The following FTO variants were observed in gnomAD, a reference collection of about 807,000 sequenced individuals.
FTO encodes alpha-ketoglutarate-dependent dioxygenase FTO.
In FTO, 47 loss-of-function variants were observed where a neutral mutation model predicts 63.9. The observed-to-expected ratio is 0.74, with a 90% CI of 0.58 to 0.94. FTO has a LOEUF of 0.94. FTO is among the 40% of genes least tolerant of loss of function. FTO has a pLI of 0.00. For missense variants in FTO, 562 were observed against 618.1 expected (o/e 0.91, Z 0.96); for synonymous variants, 207 against 224.4 (o/e 0.92, Z 0.69).
chr16:53,940,663 G>A (rs74022304), intron 8 of FTO, among the ~76,000 whole-genome samples: 5,954 of 152,258 alleles, frequency 0.039, 222 homozygotes, highest in African/African-American at 0.1. Flanking sequence ...CATTTGGGTC[G>A]AAGGAGCCTT....
chr16:53,944,284 A>C (rs1884896224), intron 8 of FTO, among the ~76,000 whole-genome samples: 1 of 152,206 alleles, frequency 6.6e-6, no homozygotes, highest in African/African-American at 2.4e-5. Flanking sequence ...AGAAACCCAC[A>C]TCCCAGGGAA....
Position 53,927,074 on chromosome 16 carries a change from A to G in FTO, c.1240-6911A>G, listed in dbSNP as rs575572303. ...ATTTAAGAGGAAGTAACATGTTTGGACATATACTTTTAAAAGATCACTCTT... is the reference window on the plus strand; with the variant it reads ...ATTTAAGAGGAAGTAACATGTTTGGGCATATACTTTTAAAAGATCACTCTT... On this transcript the variant is annotated intron_variant, in intron 7 of 8. Transcript: ENST00000471389. Among the ~76,000 whole-genome samples, 22 of 152,304 alleles carry G rather than the reference A, an allele frequency of 1.4e-4. No individual in the cohort carries two copies. In the South Asian group the frequency reaches 4.3e-3, roughly 30 times the overall value.
chr16:53,971,785 T>C (rs1406193721), intron 8 of FTO, among the ~76,000 whole-genome samples: 2 of 152,188 alleles, frequency 1.3e-5, no homozygotes, highest in African/African-American at 4.8e-5. Context: ...GGCTCTTTTG[T>C]GTCTGGTGAA....
intron 8 of FTO, among the ~76,000 whole-genome samples, chr16:54,106,229 G>T (rs2144614167): frequency 6.6e-6 from 1 of 152,092 alleles, no homozygotes; most frequent in South Asian, 2.1e-4. Context: ...GAAATCAGCG[G>T]GCAGTGACGC....
At chr16:54,097,840 G>A (rs1364942916) in intron 8 of FTO, among the ~76,000 whole-genome samples, 1 of 152,176 alleles carries the variant, frequency 6.6e-6, no homozygotes, top group Non-Finnish European at 1.5e-5. Flanking sequence ...ACAGGGAGGG[G>A]AGATGTTTGC....
rs202230780 is a variant in FTO, at chr16:53,877,730, C to CAA, written c.976-2103_976-2102dup. On this transcript the variant is annotated intron_variant, in intron 5 of 8. Coordinates refer to ENST00000471389, the MANE Select transcript of FTO (RefSeq NM_001080432.3). ...AATTATAGCTCAATAAAGCTGTTAC[C>CAA]AAAAAAAAAAAACCTATCTCAAACT... Among the ~76,000 whole-genome samples the CAA allele has an allele frequency of 5.8e-5, 8 of 137,628 alleles. No individual in the cohort carries two copies. In the East Asian group the frequency reaches 1.0e-3, roughly 18 times the overall value. 90.3% of individuals were successfully genotyped at this position (137,628 alleles called of 152,430 possible). A position where few individuals can be genotyped will look rare whatever the true frequency, so the allele number is the denominator to read the frequency against.
chr16:54,054,383 A>G (rs1238128531), intron 8 of FTO: 2 of 152,182 alleles, frequency 1.3e-5, no homozygotes, highest in Non-Finnish European at 2.9e-5. Context: ...CAGCATCCAC[A>G]TTTTCATCAG....
intron 8 of FTO, among the ~76,000 whole-genome samples, chr16:54,073,837 T>C (rs1319093599): frequency 6.6e-6 from 1 of 152,202 alleles, no homozygotes; most frequent in Non-Finnish European, 1.5e-5. Context: ...ATTTATAGAA[T>C]ACTCATTTAT....
At chr16:53,887,050 A>G (rs572398765) in intron 6 of FTO, 1 of 152,330 alleles carries the variant, frequency 6.6e-6, no homozygotes, top group South Asian at 2.1e-4. Flanking sequence ...AATTTTATAT[A>G]TTTCCATAGG....
chr16:54,082,276 T>C (rs1317839633), intron 8 of FTO, among the ~76,000 whole-genome samples: 2 of 152,206 alleles, frequency 1.3e-5, no homozygotes, highest in Non-Finnish European at 1.5e-5. Flanking sequence ...TCAAACAGTT[T>C]GGATCCCAAT....
chr16:53,784,134 G>A (rs2077669472), intron 1 of FTO, among the ~76,000 whole-genome samples: 1 of 152,168 alleles, frequency 6.6e-6, no homozygotes, highest in African/African-American at 2.4e-5. Flanking sequence ...TTAAAACCTG[G>A]ACTTGATATT....
intron 8 of FTO, among the ~76,000 whole-genome samples, chr16:53,989,503 C>G (rs2083752034): frequency 6.6e-6 from 1 of 152,100 alleles, no homozygotes; most frequent in Admixed American, 6.5e-5. Flanking sequence ...TTTGGGAACA[C>G]TCATTGTAGT....
intron 4 of FTO, among the ~76,000 whole-genome samples, chr16:53,851,458 CA>C (rs35951870): frequency 0.27 from 30,902 of 114,428 alleles, 3,288 homozygotes; most frequent in East Asian, 0.38. Context: ...GACTCCGTCT[CA>C]AAAAAAAAAA....
chr16:53,847,544 G>A (rs2079662130), intron 4 of FTO, among the ~76,000 whole-genome samples: 5 of 152,126 alleles, frequency 3.3e-5, no homozygotes, highest in Admixed American at 2.6e-4. Context: ...GAGGTGGGCG[G>A]ATCACCTGAG....
chr16:53,909,399 A>G (rs557500273), intron 7 of FTO, among the ~76,000 whole-genome samples: 4 of 152,252 alleles, frequency 2.6e-5, no homozygotes, highest in East Asian at 3.9e-4. Context: ...TGCTGCAGAG[A>G]ACAGAAGTCA....
In FTO at chr16:54,112,576, C is replaced by T. The variant is rs566529433; in HGVS notation, c.*661C>T. On this transcript the variant is annotated 3_prime_UTR_variant, in exon 9 of 9. Transcript: ENST00000471389. Reference sequence around the variant, plus strand: ...GAGAGCAGGAATTCTCATTTCCATTCGTCTGTAGCTTCTATCCCCAAAGGC... The same window carrying T: ...GAGAGCAGGAATTCTCATTTCCATTTGTCTGTAGCTTCTATCCCCAAAGGC... 4 of 152,546 alleles carry T rather than the reference C, an allele frequency of 2.6e-5. No individual in the cohort carries two copies. In the South Asian group the frequency reaches 8.3e-4, roughly 32 times the overall value. 9.4% of individuals were successfully genotyped at this position (152,546 alleles called of 1,614,324 possible).
chr16:54,023,793 C>G (rs1221623241), intron 8 of FTO, among the ~76,000 whole-genome samples: 1 of 152,108 alleles, frequency 6.6e-6, no homozygotes, highest in Non-Finnish European at 1.5e-5. Flanking sequence ...GGGAGTGGGA[C>G]TTCACCATGG....
At chr16:54,056,903 T>C (rs532061999) in intron 8 of FTO, among the ~76,000 whole-genome samples, 4 of 152,232 alleles carry the variant, frequency 2.6e-5, no homozygotes, top group Non-Finnish European at 4.4e-5. Context: ...ACTGGCCAAT[T>C]ACCACATGTA....
intron 7 of FTO, among the ~76,000 whole-genome samples, chr16:53,900,214 T>C (rs2081367840): frequency 6.6e-6 from 1 of 152,204 alleles, no homozygotes; most frequent in South Asian, 2.1e-4. Context: ...TTTTTTTTCT[T>C]TAATGTGAGA....
Sources: allele counts gnomAD v4.1 joint callset (sites outside exome capture counted in the v4.1 genomes callset), GRCh38; gene constraint gnomAD v4.1.1; transcripts MANE v1.5; gene names NCBI Gene and HGNC (gene_info 2026-07-23, HGNC 2026-07-21).